The following OVCH1 variants were observed in gnomAD, a reference collection of about 807,000 sequenced individuals.
The protein encoded by OVCH1 is ovochymase 1, also known as ovochymase-1.
Under a neutral mutation model 138.4 loss-of-function variants are expected in OVCH1, and 139 were observed. The ratio of observed to expected loss-of-function variants is 1.00; its 90% confidence interval spans 0.87 to 1.16. The LOEUF (loss-of-function observed/expected upper bound fraction) is 1.16, where lower values mean the gene tolerates loss of function less well. OVCH1 is among the 50% of genes most tolerant of loss of function. The probability of loss-of-function intolerance (pLI) is 0.00; values close to 1 mark genes in which losing one functional copy is unlikely to be tolerated. For synonymous variants in OVCH1, 453 were observed against 467.8 expected, an observed-to-expected ratio of 0.97 and a Z score of 0.41; for missense variants, 1,367 against 1,357.9, an observed-to-expected ratio of 1.01 and a Z score of -0.11.
intron 18 of OVCH1, among the ~76,000 whole-genome samples, chr12:29,462,257 A>G (rs1237715074): frequency 2.0e-5 from 3 of 151,996 alleles, no homozygotes; most frequent in Non-Finnish European, 4.4e-5. Context: ...CTTTTTTTCT[A>G]GCTTATTTTC....
downstream of OVCH1, among the ~76,000 whole-genome samples, chr12:29,407,992 G>A (rs1181089670): frequency 7.1e-6 from 1 of 141,366 alleles, no homozygotes; most frequent in African/African-American, 2.5e-5. Context: ...TTGAGCAGTG[G>A]TTTGTAGTTC....
chr12:29,423,340 G>A (rs948515286), downstream of OVCH1: 3 of 452,672 alleles, frequency 6.6e-6, no homozygotes, highest in Non-Finnish European at 1.3e-5. Context: ...TACTTTTTCT[G>A]TGCAATGACA....
Position 29,480,972 on chromosome 12 carries a change from C to T in OVCH1, c.996-2064G>A, listed in dbSNP as rs570731177. 1.1e-4 allele frequency among the ~76,000 whole-genome samples: 16 copies of T among 152,150 alleles called. 1 individual carries two copies. The highest frequency in any genetic ancestry group is 8.3e-4 in the South Asian group (4 of 4,820). On this transcript the variant is annotated intron_variant, in intron 8 of 27. Coordinates refer to ENST00000318184, the Ensembl canonical transcript of OVCH1. The stretch of plus-strand genomic sequence containing the variant: ...GAATGCATCTTACAAAGGAATCTTA[C>T]GATTTCTGTAGACCTGAATTGAAAG...
intron 19 of OVCH1, among the ~76,000 whole-genome samples, chr12:29,460,911 A>T (rs569186101): frequency 6.6e-6 from 1 of 152,330 alleles, no homozygotes; most frequent in East Asian, 1.9e-4. Flanking sequence ...GCTTGACATT[A>T]TAAAAGGAAG....
At chr12:29,456,507 G>C (rs908758971) in intron 19 of OVCH1, among the ~76,000 whole-genome samples, 2 of 152,150 alleles carry the variant, frequency 1.3e-5, no homozygotes, top group African/African-American at 4.8e-5. Context: ...TATTTGCATT[G>C]TTTAAATTGA....
chr12:29,410,729 T>C (rs1940943989), downstream of OVCH1, among the ~76,000 whole-genome samples: 1 of 151,932 alleles, frequency 6.6e-6, no homozygotes, highest in Admixed American at 6.6e-5. Flanking sequence ...CCTTTCTCTC[T>C]GGCTGCCCTT....
At position 29,496,689 on chromosome 12, in the gene OVCH1, A is replaced by ATGTG. The variant is rs765919601; in HGVS notation, c.65-19_65-16dup. ...ACACTTCAGTCCTGTGTAGAAGAGCATGTGTGTGTGCACACACAGAGCCTT... is the reference window on the plus strand; with the variant it reads ...ACACTTCAGTCCTGTGTAGAAGAGCATGTGTGTGTGTGTGCACACACAGAGCCTT... On this transcript the variant is annotated splice_polypyrimidine_tract_variant and intron_variant, in intron 1 of 27. Transcript: ENST00000318184. 1.5e-5 allele frequency: 24 copies of ATGTG among 1,568,748 alleles called. No individual in the cohort carries two copies. The highest frequency in any genetic ancestry group is 2.1e-5 in the Non-Finnish European group (24 of 1,143,704).
intron 24 of OVCH1, 109 bp from the exon 25 acceptor site, chr12:29,443,609 A>AT (rs981835548): frequency 9.1e-7 from 1 of 1,095,210 alleles, no homozygotes; most frequent in Middle Eastern, 3.1e-4. Context: ...AGTGAGCCTT[A>AT]TTTTTTGTGT....
At position 29,497,076 on chromosome 12, in the gene OVCH1, TG is replaced by T. The variant is rs370489083; in HGVS notation, c.65-403del. On this transcript the variant is annotated intron_variant, in intron 1 of 27. Coordinates refer to ENST00000318184, the Ensembl canonical transcript of OVCH1. Reference sequence around the variant, plus strand: ...ACTTGAACCCAGGAGGTCAGAACCATGGGCAACATGACAAGACCCCATCTCT... The same window carrying T: ...ACTTGAACCCAGGAGGTCAGAACCATGGCAACATGACAAGACCCCATCTCT... Among the ~76,000 whole-genome samples, 314 of 152,174 alleles carry T rather than the reference TG, an allele frequency of 2.1e-3. 3 individuals carry two copies. The highest frequency in any genetic ancestry group is 7.2e-3 in the African/African-American group (299 of 41,554).
At chr12:29,464,200 T>C (rs972190867) in intron 18 of OVCH1, among the ~76,000 whole-genome samples, 1 of 152,188 alleles carries the variant, frequency 6.6e-6, no homozygotes, top group African/African-American at 2.4e-5. Context: ...GCTATAACAG[T>C]AGACTTAAAT....
In OVCH1 at chr12:29,476,275, T is replaced by C. The variant is rs185416784; in HGVS notation, c.1402A>G (p.Lys468Glu). The change falls in exon 13 of 28, where the codon AAA becomes GAA. Residue 468 changes from lysine (K) to glutamate (E), a missense_variant. Lys to Glu is a moderately conservative substitution (Grantham distance 56). Transcript: ENST00000318184. ...TCATAAATACAGTTTGGACTAAATT[T>C]GACAGCAAAGTCCTCAAATGTCAAC... The C allele has an allele frequency of 9.3e-6, 15 of 1,613,556 alleles. No individual in the cohort carries two copies. The Admixed American group carries it at 2.5e-4, about 27-fold the overall frequency.
At chr12:29,418,773 A>C (rs1027038610) in intron 3 of OVCH1, among the ~76,000 whole-genome samples, 17 of 152,190 alleles carry the variant, frequency 1.1e-4, no homozygotes, top group Non-Finnish European at 2.9e-5. Context: ...TATTTGTCAT[A>C]AGGGAGTGAG....
chr12:29,491,113 C>G, exon 5 of OVCH1: 1 of 1,613,584 alleles, frequency 6.2e-7, no homozygotes, highest in Non-Finnish European at 8.5e-7. Context: ...AAATCTTGCC[C>G]CATCCACTGG....
intron 23 of OVCH1, 95 bp from the exon 24 acceptor site, chr12:29,444,375 C>A: frequency 1.6e-6 from 2 of 1,281,078 alleles, no homozygotes; most frequent in South Asian, 1.5e-5. Flanking sequence ...GCTCTCTTCC[C>A]TAATTGTCCT....
At chr12:29,482,081 C>T (rs1479799298) in intron 8 of OVCH1, among the ~76,000 whole-genome samples, 1 of 152,166 alleles carries the variant, frequency 6.6e-6, no homozygotes, top group Non-Finnish European at 1.5e-5. Flanking sequence ...AAAAATGTGT[C>T]AGATCATGAT....
chr12:29,418,560 C>T (rs1941061584), intron 3 of OVCH1, among the ~76,000 whole-genome samples: 1 of 152,150 alleles, frequency 6.6e-6, no homozygotes, highest in Non-Finnish European at 1.5e-5. Flanking sequence ...AGATATTAAG[C>T]TGTATGGCAA....
intron 18 of OVCH1, among the ~76,000 whole-genome samples, chr12:29,462,777 A>G (rs1942183954): frequency 6.6e-6 from 1 of 152,190 alleles, no homozygotes; most frequent in South Asian, 2.1e-4. Flanking sequence ...GATCTCACAT[A>G]TGAAAAAGCC....
At chr12:29,405,251 T>C in the OVCH1 span, among the ~76,000 whole-genome samples, 2 of 152,132 alleles carry the variant, frequency 1.3e-5, no homozygotes, top group Non-Finnish European at 2.9e-5. Context: ...AAAACTACCA[T>C]GCATCTATAC....
At chr12:29,488,204 T>C (rs372346946) in intron 6 of OVCH1, among the ~76,000 whole-genome samples, 2 of 152,098 alleles carry the variant, frequency 1.3e-5, no homozygotes, top group East Asian at 3.9e-4. Context: ...TAGTTACAGA[T>C]AGATGTTTCT....
Sources: gnomAD v4.1 joint callset for allele counts (sites outside exome capture counted in the v4.1 genomes callset) on GRCh38, gnomAD v4.1.1 for gene constraint, MANE v1.5 for transcripts, NCBI Gene and HGNC (gene_info 2026-07-23, HGNC 2026-07-21) for gene names.